Variants in FOXN2 observed in about 807,000 individuals in gnomAD.
FOXN2 encodes forkhead box protein N2.
FOXN2 carries 19 observed loss-of-function variants against 41.2 expected under a neutral mutation model. The ratio of observed to expected loss-of-function variants is 0.46; its 90% CI spans 0.32 to 0.68. The LOEUF is 0.68. Ranked by LOEUF, FOXN2 falls within the 30% of genes least tolerant of loss-of-function variation. The pLI, the probability that FOXN2 is intolerant of heterozygous loss-of-function variation, is 0.03. For missense variants in FOXN2, 587 were observed against 509.4 expected (o/e 1.15, Z -1.47); for synonymous variants, 195 against 176.8 (o/e 1.10, Z -0.82).
intron 2 of FOXN2, among the ~76,000 whole-genome samples, chr2:48,335,610 C>T (rs1225363390): frequency 6.8e-6 from 1 of 147,604 alleles, no homozygotes; most frequent in Non-Finnish European, 1.5e-5. Flanking sequence ...ATTTTTTAAG[C>T]AGAAGTAAAT....
At chr2:48,364,040 A>T (rs1317467794) in intron 5 of FOXN2, among the ~76,000 whole-genome samples, 1 of 152,212 alleles carries the variant, frequency 6.6e-6, no homozygotes, top group African/African-American at 2.4e-5. Flanking sequence ...GTGGGACTAC[A>T]GGTGCACATG....
chr2:48,363,413 CTAAGGT>C (rs555456689), intron 5 of FOXN2, among the ~76,000 whole-genome samples: 2 of 152,056 alleles, frequency 1.3e-5, no homozygotes, highest in Admixed American at 1.3e-4. Context: ...TTACAGTAAA[CTAAGGT>C]TAATGTATTA....
intron 2 of FOXN2, among the ~76,000 whole-genome samples, chr2:48,333,167 A>G (rs1328536011): frequency 1.3e-5 from 2 of 152,290 alleles, no homozygotes; most frequent in East Asian, 3.9e-4. Flanking sequence ...AAGCATGACA[A>G]CAGAGCCATG....
At chr2:48,330,187 G>A (rs569501398) in intron 2 of FOXN2, among the ~76,000 whole-genome samples, 18 of 152,110 alleles carry the variant, frequency 1.2e-4, no homozygotes, top group African/African-American at 4.3e-4. Context: ...TAATACTTTT[G>A]AATAAATCTG....
chr2:48,362,510 A>C (rs1356808501), intron 4 of FOXN2, 133 bp from the exon 5 acceptor site: 1 of 697,084 alleles, frequency 1.4e-6, no homozygotes, highest in Non-Finnish European at 2.5e-6. Context: ...TCAAGGCTGC[A>C]GTAGGCTGAA....
At position 48,334,571 on chromosome 2, in the gene FOXN2, A is replaced by G. The variant is rs191576555; in HGVS notation, c.-15+5869A>G. On this transcript the variant is annotated intron_variant, in intron 2 of 6. Transcript: ENST00000340553. ...TGCTGAAAACAACCTAAAATGCTGG[A>G]TAAAATAAAATCTTAAATGCATCAG... Among the ~76,000 whole-genome samples the G allele has an allele frequency of 7.1e-4, 108 of 152,366 alleles. 1 individual carries two copies. Among genetic ancestry groups the G allele is most frequent in the African/African-American group, 2.3e-3 (97 of 41,590 alleles).
At chr2:48,315,269 G>A (rs953743858) in intron 1 of FOXN2, among the ~76,000 whole-genome samples, 1 of 152,166 alleles carries the variant, frequency 6.6e-6, no homozygotes, top group African/African-American at 2.4e-5. Context: ...CCTCTGGCTT[G>A]AAGTGGAGCG....
At chr2:48,357,054 T>G (rs767324973) in intron 3 of FOXN2, among the ~76,000 whole-genome samples, 11 of 152,322 alleles carry the variant, frequency 7.2e-5, no homozygotes, top group Middle Eastern at 3.4e-3. Context: ...ACAAATAAGT[T>G]TCTTTTTGCT....
intron 1 of FOXN2, among the ~76,000 whole-genome samples, chr2:48,318,101 T>TA: frequency 6.6e-6 from 1 of 152,298 alleles, no homozygotes; most frequent in Non-Finnish European, 1.5e-5. Context: ...GTTTTATAGT[T>TA]ACAGAAAAGT....
At chr2:48,345,875 A>G (rs1328759426) in intron 2 of FOXN2, among the ~76,000 whole-genome samples, 1 of 152,200 alleles carries the variant, frequency 6.6e-6, no homozygotes, top group Non-Finnish European at 1.5e-5. Context: ...CACTTTAAGT[A>G]ATAATAGCCA....
intron 3 of FOXN2, among the ~76,000 whole-genome samples, chr2:48,357,474 A>G (rs770490403): frequency 1.3e-5 from 2 of 151,664 alleles, no homozygotes; most frequent in Non-Finnish European, 2.9e-5. Flanking sequence ...GGGGCAAAAG[A>G]TGTTGTAGGT....
At chr2:48,316,204 T>C (rs1019700645) in intron 1 of FOXN2, among the ~76,000 whole-genome samples, 1 of 152,194 alleles carries the variant, frequency 6.6e-6, no homozygotes, top group Admixed American at 6.5e-5. Flanking sequence ...CTCTGTTACC[T>C]TGCAGTTCTC....
At chr2:48,355,222 C>G (rs569891293) in intron 3 of FOXN2, among the ~76,000 whole-genome samples, 6 of 152,186 alleles carry the variant, frequency 3.9e-5, no homozygotes, top group East Asian at 3.9e-4. Flanking sequence ...TAAATGTATA[C>G]ATTTTTAATG....
At chr2:48,322,014 T>G (rs543634728) in intron 1 of FOXN2, among the ~76,000 whole-genome samples, 3 of 152,330 alleles carry the variant, frequency 2.0e-5, no homozygotes, top group African/African-American at 7.2e-5. Context: ...AGTGGCGTGA[T>G]CTCGGCTTAT....
intron 2 of FOXN2, among the ~76,000 whole-genome samples, chr2:48,341,532 G>A (rs1441273776): frequency 1.4e-4 from 22 of 152,280 alleles, no homozygotes; most frequent in Non-Finnish European, 2.9e-5. Flanking sequence ...TCACAAACAA[G>A]TAATATGGTC....
At chr2:48,346,094 T>C in intron 2 of FOXN2, 107 bp from the exon 3 acceptor site, 2 of 926,592 alleles carry the variant, frequency 2.2e-6, no homozygotes, top group Non-Finnish European at 3.3e-6. Context: ...TGTGGGACAA[T>C]TGATTGCAAA....
chr2:48,364,751 G>A (rs959199269), intron 5 of FOXN2, among the ~76,000 whole-genome samples: 3 of 152,240 alleles, frequency 2.0e-5, no homozygotes, highest in Non-Finnish European at 2.9e-5. Context: ...TTGTAAAATG[G>A]TTGGAGAAAA....
At chr2:48,340,063 A>T (rs1670641650) in intron 2 of FOXN2, among the ~76,000 whole-genome samples, 1 of 152,234 alleles carries the variant, frequency 6.6e-6, no homozygotes, top group African/African-American at 2.4e-5. Context: ...ATGTTTAAGG[A>T]TTCTAACATC....
rs1451768608 is a variant in FOXN2, at chr2:48,318,722, AT to A, written c.-157+3911del. Among the ~76,000 whole-genome samples the A allele has an allele frequency of 3.3e-5, 5 of 152,318 alleles. 1 individual carries two copies. Among genetic ancestry groups the A allele is most frequent in the African/African-American group, 1.2e-4 (5 of 41,564 alleles). On this transcript the variant is annotated intron_variant, in intron 1 of 6. Transcript: ENST00000340553. ...CAGATATTTATTTAGTATCTATTGT[AT>A]TTAGGTGCTAAGAATACAGTGGTGA... is the stretch of plus-strand genomic sequence containing the variant.
Sources: gnomAD v4.1 joint callset for allele counts (sites outside exome capture counted in the v4.1 genomes callset) on GRCh38, gnomAD v4.1.1 for gene constraint, MANE v1.5 for transcripts, NCBI Gene and HGNC (gene_info 2026-07-23, HGNC 2026-07-21) for gene names.